The following SLC28A1 variants were observed in gnomAD, a reference collection of about 807,000 sequenced individuals.
SLC28A1 encodes sodium/nucleoside cotransporter 1.
A neutral mutation model predicts 74.8 loss-of-function variants in SLC28A1; 64 were observed. That is an observed-to-expected ratio of 0.86 (90% CI 0.70 to 1.05). The LOEUF (loss-of-function observed/expected upper bound fraction) is 1.05. SLC28A1 is among the 50% of genes least tolerant of loss of function. The pLI is 0.00. For missense variants in SLC28A1, 828 were observed against 822.8 expected (o/e 1.01, Z -0.08); for synonymous variants, 359 against 335.0 (o/e 1.07, Z -0.78).
intron 5 of SLC28A1, among the ~76,000 whole-genome samples, chr15:84,892,719 T>A (rs1040682042): frequency 3.9e-5 from 6 of 152,172 alleles, no homozygotes; most frequent in Admixed American, 6.5e-5. Flanking sequence ...GATAGAGAAA[T>A]GAGGCTCATA....
In SLC28A1 at chr15:84,935,483, G is replaced by A. The variant is rs367848608; in HGVS notation, c.1546G>A (p.Glu516Lys). 3.0e-5 allele frequency: 48 copies of A among 1,613,908 alleles called. No homozygotes were observed. Among genetic ancestry groups the A allele is most frequent in the Middle Eastern group, 1.6e-4 (1 of 6,084 alleles). ...CAAGCAACGCCGCCTGGCAGGGGCCGAGGAGTGGGTCGGCGACAGGAAGCA... is the reference window on the plus strand; with the variant it reads ...CAAGCAACGCCGCCTGGCAGGGGCCAAGGAGTGGGTCGGCGACAGGAAGCA... Reference protein sequence around the residue: ...KYKQRRLAGAEEWVGDRKQWI... With the variant: ...KYKQRRLAGAKEWVGDRKQWI... Residue 516 changes from glutamate (E) to lysine (K), a missense_variant, in exon 15 of 19, where the codon GAG (glutamate) becomes AAG (lysine). Glu to Lys is a moderately conservative substitution (Grantham distance 56). Coordinates refer to ENST00000394573, the MANE Select transcript of SLC28A1 (RefSeq NM_004213.5).
At chr15:84,965,905 G>C in the SLC28A1 span, among the ~76,000 whole-genome samples, 46 of 150,800 alleles carry the variant, frequency 3.1e-4, 3 homozygotes, top group South Asian at 2.5e-3. Context: ...AGGCGGGGAG[G>C]GGGGGGAAAT....
the SLC28A1 span, among the ~76,000 whole-genome samples, chr15:84,970,052 A>T: frequency 1.3e-5 from 2 of 152,176 alleles, no homozygotes; most frequent in African/African-American, 4.8e-5. Flanking sequence ...AAAGAGTTCA[A>T]ATGTTGGATG....
At chr15:84,970,515 T>C in the SLC28A1 span, among the ~76,000 whole-genome samples, 1 of 152,120 alleles carries the variant, frequency 6.6e-6, no homozygotes, top group Non-Finnish European at 1.5e-5. Flanking sequence ...AAACGAACTG[T>C]GTCTTTTACG....
downstream of SLC28A1, among the ~76,000 whole-genome samples, chr15:84,949,211 T>C (rs2079332386): frequency 6.6e-6 from 1 of 152,186 alleles, no homozygotes; most frequent in South Asian, 2.1e-4. Flanking sequence ...GAAGCTGTTC[T>C]GAATTTGTGT....
chr15:84,912,000 C>T (rs576271993), intron 9 of SLC28A1, among the ~76,000 whole-genome samples: 4 of 152,246 alleles, frequency 2.6e-5, no homozygotes, highest in South Asian at 2.1e-4. Flanking sequence ...CATTTCCCAG[C>T]GAAACACCAG....
At chr15:84,965,911 G>GGGGGGGGGGGGGGGGGGGC in the SLC28A1 span, among the ~76,000 whole-genome samples, 3 of 145,764 alleles carry the variant, frequency 2.1e-5, no homozygotes, top group Admixed American at 7.1e-5. Flanking sequence ...GGAGGGGGGG[G>GGGGGGGGGGGGGGGGGGGC]AAATATTAGG....
the SLC28A1 span, among the ~76,000 whole-genome samples, chr15:84,972,061 A>C: frequency 2.0e-5 from 3 of 152,172 alleles, no homozygotes; most frequent in Admixed American, 6.5e-5. Flanking sequence ...GCACCCATAC[A>C]TGTCATTGCT....
intron 11 of SLC28A1, 61 bp downstream of exon 11, chr15:84,921,130 C>A: frequency 8.0e-7 from 1 of 1,249,114 alleles, no homozygotes; most frequent in Non-Finnish European, 1.2e-6. Context: ...AGGGCAGTTT[C>A]CCTGGATCCC....
chr15:84,961,652 C>T, the SLC28A1 span: 1 of 367,258 alleles, frequency 2.7e-6, no homozygotes, highest in Non-Finnish European at 5.3e-6. Context: ...AGAGATAAAT[C>T]TTGATGGTCG....
intron 6 of SLC28A1, chr15:84,895,703 C>CA: frequency 7.3e-7 from 1 of 1,374,046 alleles, no homozygotes; most frequent in Non-Finnish European, 9.4e-7. Flanking sequence ...CCAGGCAGCT[C>CA]TAAATTTATG....
chr15:84,903,677 G>C (rs1328070475), intron 6 of SLC28A1, among the ~76,000 whole-genome samples: 1 of 152,196 alleles, frequency 6.6e-6, no homozygotes, highest in East Asian at 1.9e-4. Flanking sequence ...GGCTGGTAGT[G>C]TTGAGTCCTG....
chr15:84,924,025 T>G lies in SLC28A1; in HGVS notation c.998T>G (p.Met333Arg). Reference protein sequence around the residue: ...PLLIRPYLADMTLSEVHVVMT... With the variant: ...PLLIRPYLADRTLSEVHVVMT... ...CTGATCCGGCCCTACTTGGCAGACATGACACTCTCTGAAGTCCACGTTGTC... is the reference window on the plus strand; with the variant it reads ...CTGATCCGGCCCTACTTGGCAGACAGGACACTCTCTGAAGTCCACGTTGTC... Residue 333 changes from methionine to arginine, a missense_variant, in exon 12 of 19, where the codon ATG becomes AGG. Around this residue, in one of 3 missense-constraint regions of SLC28A1, gnomAD observed 767 missense variants for 753.5 expected, o/e 1.02. Coordinates refer to ENST00000394573, the MANE Select transcript of SLC28A1 (RefSeq NM_004213.5). 4 of 1,614,040 alleles carry G rather than the reference T, an allele frequency of 2.5e-6. No individual in the cohort carries two copies. Among genetic ancestry groups the G allele is most frequent in the Non-Finnish European group, 3.4e-6 (4 of 1,180,020 alleles).
At chr15:84,897,221 CAA>C (rs57798365) in intron 6 of SLC28A1, among the ~76,000 whole-genome samples, 5 of 136,590 alleles carry the variant, frequency 3.7e-5, no homozygotes, top group African/African-American at 1.4e-4. Flanking sequence ...CTAAAAATAG[CAA>C]AAAAAAAAAA....
At chr15:84,902,171 A>G (rs897205720) in intron 6 of SLC28A1, among the ~76,000 whole-genome samples, 3 of 152,182 alleles carry the variant, frequency 2.0e-5, no homozygotes, top group African/African-American at 4.8e-5. Context: ...TTAAAAATTT[A>G]TATAAAATTC....
At chr15:84,928,539 T>C (rs537321505) in intron 12 of SLC28A1, among the ~76,000 whole-genome samples, 3 of 17,336 alleles carry the variant, frequency 1.7e-4, no homozygotes, top group African/African-American at 1.2e-3. Flanking sequence ...TCTTTCTTTC[T>C]TTCTTTCTTT....
intron 4 of SLC28A1, 60 bp downstream of exon 4, chr15:84,888,920 T>TA: frequency 8.0e-7 from 1 of 1,242,866 alleles, no homozygotes; most frequent in Admixed American, 2.0e-5. Flanking sequence ...GGGAACAGGA[T>TA]GGGGAGCCGG....
chr15:84,935,989 C>CT (rs1216173611), intron 15 of SLC28A1, among the ~76,000 whole-genome samples: 1 of 116,970 alleles, frequency 8.5e-6, no homozygotes, highest in Non-Finnish European at 1.6e-5. Flanking sequence ...GAGTCTCACT[C>CT]TGTCGCCCAG....
chr15:84,937,603 T>A (rs1972085550), intron 15 of SLC28A1, among the ~76,000 whole-genome samples: 2 of 152,166 alleles, frequency 1.3e-5, no homozygotes, highest in African/African-American at 2.4e-5. Flanking sequence ...CTAGGTTTTT[T>A]AAAAAAGAAA....
Sources: allele counts gnomAD v4.1 joint callset (sites outside exome capture counted in the v4.1 genomes callset), GRCh38; gene constraint gnomAD v4.1.1; regional missense constraint gnomAD v4.1.1; transcripts MANE v1.5; gene names NCBI Gene and HGNC (gene_info 2026-07-23, HGNC 2026-07-21).